KIAA1671: variants seen among roughly 807,000 people sequenced by gnomAD.
KIAA1671 encodes the protein uncharacterized protein KIAA1671.
Under a neutral mutation model 131.2 loss-of-function variants are expected in KIAA1671, and 52 were observed. The ratio of observed to expected loss-of-function variants is 0.40; its 90% CI spans 0.32 to 0.50. The LOEUF (loss-of-function observed/expected upper bound fraction) is 0.50. Among genes scored for constraint, KIAA1671 ranks in the 20% least tolerant of loss-of-function variants. The probability of loss-of-function intolerance (pLI) is 0.73; values close to 1 mark genes in which losing one functional copy is unlikely to be tolerated. For missense variants in KIAA1671, 2,360 were observed against 2,364.2 expected, an observed-to-expected ratio of 1.00 and a Z score of 0.04; for synonymous variants, 1,003 against 961.6, an observed-to-expected ratio of 1.04 and a Z score of -0.80.
rs536701922 is a variant in KIAA1671, at chr22:24,965,697, G to A, written c.-208+12925G>A. 3.3e-3 allele frequency among the ~76,000 whole-genome samples: 473 copies of A among 142,786 alleles called. 1 individual carries two copies. The highest frequency in any genetic ancestry group is 0.016 in the Middle Eastern group (4 of 252). 93.7% of individuals were successfully genotyped at this position (142,786 alleles called of 152,430 possible). On this transcript the variant is annotated intron_variant, in intron 1 of 12. Coordinates refer to ENST00000358431, the MANE Select transcript of KIAA1671 (RefSeq NM_001145206.2). The stretch of plus-strand genomic sequence containing the variant: ...GGAGGTTGCAGTGAGCCAAGATTGT[G>A]CCATTGCACTCCAGCTTGGGCAACA...
intron 6 of KIAA1671, chr22:25,060,531 A>G (rs991489245): frequency 1.3e-5 from 2 of 152,222 alleles, no homozygotes; most frequent in African/African-American, 4.8e-5. Context: ...GCCACATTCT[A>G]GCTGCCTTCG....
chr22:24,969,793 G>C (rs757794117), intron 1 of KIAA1671, among the ~76,000 whole-genome samples: 1 of 152,198 alleles, frequency 6.6e-6, no homozygotes, highest in Non-Finnish European at 1.5e-5. Flanking sequence ...CTTTGTGACC[G>C]TAGGGAGATC....
At position 25,091,624 on chromosome 22, in the gene KIAA1671, G is replaced by A. The variant is rs1212998074; in HGVS notation, c.4530+42260G>A. Among the ~76,000 whole-genome samples, 3 of 152,156 alleles carry A rather than the reference G, an allele frequency of 2.0e-5. No individual in the cohort carries two copies. The East Asian group carries it at 5.8e-4, about 29-fold the overall frequency. ...TCTGCATAGAAAACTAAAGCGAGGCGGAACTGCGCTTGAAGATTTCAGTTG... is the reference window on the plus strand; with the variant it reads ...TCTGCATAGAAAACTAAAGCGAGGCAGAACTGCGCTTGAAGATTTCAGTTG... On this transcript the variant is annotated intron_variant, in intron 6 of 12. Coordinates refer to ENST00000358431, the MANE Select transcript of KIAA1671 (RefSeq NM_001145206.2).
At chr22:25,096,522 G>A (rs1930397969) in intron 6 of KIAA1671, among the ~76,000 whole-genome samples, 1 of 152,150 alleles carries the variant, frequency 6.6e-6, no homozygotes. Context: ...GTCTTTGGGT[G>A]TTTCCCATTT....
At chr22:25,156,576 T>C (rs528724657) in intron 6 of KIAA1671, among the ~76,000 whole-genome samples, 1 of 152,310 alleles carries the variant, frequency 6.6e-6, no homozygotes, top group African/African-American at 2.4e-5. Context: ...TGTGTATATA[T>C]ACATATATGT....
chr22:25,037,000 A>C (rs1356727245), intron 4 of KIAA1671, among the ~76,000 whole-genome samples: 5 of 152,220 alleles, frequency 3.3e-5, no homozygotes, highest in African/African-American at 7.2e-5. Context: ...AAATGGATTC[A>C]TGTATTGTTT....
chr22:25,188,071 TGGG>T, intron 11 of KIAA1671, among the ~76,000 whole-genome samples: 2 of 152,146 alleles, frequency 1.3e-5, no homozygotes, highest in Admixed American at 6.5e-5. Context: ...GAGGCTGAGG[TGGG>T]CGGATCACAA....
At position 25,039,806 on chromosome 22, in the gene KIAA1671, T is replaced by C; in HGVS notation, c.2676T>C (p.Asn892=). The part of the protein sequence containing the change: ...CPLDPLSRAT[N]GPSDSQARTH... ...TCGATCCTCTTTCCAGGGCTACGAATGGGCCTTCTGACTCCCAAGCACGAA... is the reference window on the plus strand; with the variant it reads ...TCGATCCTCTTTCCAGGGCTACGAACGGGCCTTCTGACTCCCAAGCACGAA... The change falls in exon 5 of 13, where the codon AAT becomes AAC. Residue 892 remains asparagine (N), a synonymous_variant. Coordinates refer to ENST00000358431, the MANE Select transcript of KIAA1671 (RefSeq NM_001145206.2). 1 of 1,523,386 alleles carries C rather than the reference T, an allele frequency of 6.6e-7. No individual in the cohort carries two copies. Among genetic ancestry groups the C allele is most frequent in the Non-Finnish European group, 8.8e-7 (1 of 1,130,996 alleles). The allele number at this position is 1,523,386 out of a possible 1,614,324, so 94.4% of individuals were successfully genotyped here.
chr22:25,083,022 G>A (rs569733923), intron 6 of KIAA1671, among the ~76,000 whole-genome samples: 18 of 152,278 alleles, frequency 1.2e-4, no homozygotes, highest in Non-Finnish European at 1.9e-4. Flanking sequence ...ATCGTAATCA[G>A]AGATTTTTAT....
At chr22:25,045,410 T>A (rs1927169515) in intron 5 of KIAA1671, among the ~76,000 whole-genome samples, 1 of 152,144 alleles carries the variant, frequency 6.6e-6, no homozygotes, top group Non-Finnish European at 1.5e-5. Flanking sequence ...CCCAACATCC[T>A]ACAAGGCACA....
intron 1 of KIAA1671, among the ~76,000 whole-genome samples, chr22:24,977,698 G>A (rs1008417979): frequency 2.0e-5 from 3 of 152,214 alleles, no homozygotes; most frequent in Non-Finnish European, 4.4e-5. Context: ...GAAGCCTAGA[G>A]AGGGCAGGGC....
At chr22:25,170,006 C>T (rs575208736) in intron 6 of KIAA1671, among the ~76,000 whole-genome samples, 2 of 152,250 alleles carry the variant, frequency 1.3e-5, no homozygotes, top group African/African-American at 2.4e-5. Context: ...CTCCGCCTCC[C>T]GAGTTCACGC....
rs1240030064 is a variant in KIAA1671, at chr22:25,093,711, A to T, written c.4530+44347A>T. 1.6e-3 allele frequency among the ~76,000 whole-genome samples: 186 copies of T among 116,314 alleles called. 10 individuals are homozygous for T. The highest frequency in any genetic ancestry group is 9.4e-3 in the African/African-American group (163 of 17,396). The allele number at this position is 116,314 out of a possible 152,430, so 76.3% of individuals were successfully genotyped here. On this transcript the variant is annotated intron_variant, in intron 6 of 12. Coordinates refer to ENST00000358431, the MANE Select transcript of KIAA1671 (RefSeq NM_001145206.2). ...CACACACACACACACACACACACAC[A>T]CACACACACACACACACACACACAC...
chr22:25,110,484 T>C (rs559908700), intron 6 of KIAA1671, among the ~76,000 whole-genome samples: 1 of 152,298 alleles, frequency 6.6e-6, no homozygotes, highest in East Asian at 1.9e-4. Context: ...CCTTGCTGTG[T>C]GACCTTGGGC....
chr22:25,143,786 A>T (rs973914237), intron 6 of KIAA1671, among the ~76,000 whole-genome samples: 1 of 152,322 alleles, frequency 6.6e-6, no homozygotes, highest in East Asian at 1.9e-4. Flanking sequence ...ATTAGACTGG[A>T]CCAAGTTGAT....
At chr22:25,172,056 C>T (rs767638425) in intron 7 of KIAA1671, among the ~76,000 whole-genome samples, 3 of 151,734 alleles carry the variant, frequency 2.0e-5, no homozygotes, top group African/African-American at 7.2e-5. Flanking sequence ...TTACAGTGCC[C>T]GAGAAAGCTG....
intron 1 of KIAA1671, chr22:25,013,071 G>T (rs1925121847): frequency 6.6e-6 from 1 of 152,202 alleles, no homozygotes; most frequent in Non-Finnish European, 1.5e-5. Context: ...GATGAGTGAT[G>T]TAAATTGTGT....
intron 4 of KIAA1671, among the ~76,000 whole-genome samples, chr22:25,038,498 G>A (rs1038378128): frequency 2.7e-4 from 41 of 152,172 alleles, no homozygotes; most frequent in African/African-American, 6.3e-4. Context: ...GAACTTGGCC[G>A]GATAAAAGGA....
chr22:24,961,897 G>A (rs375404461), intron 1 of KIAA1671, among the ~76,000 whole-genome samples: 4 of 152,190 alleles, frequency 2.6e-5, no homozygotes, highest in African/African-American at 7.2e-5. Flanking sequence ...ACAAGTGGTC[G>A]CAGAGCAGAG....
Sources: allele counts gnomAD v4.1 joint callset (sites outside exome capture counted in the v4.1 genomes callset), GRCh38; gene constraint gnomAD v4.1.1; transcripts MANE v1.5; gene names NCBI Gene and HGNC (gene_info 2026-07-23, HGNC 2026-07-21).